GALNT2: variants seen among roughly 807,000 people sequenced by gnomAD.
The protein encoded by GALNT2 is UDP-GalNAc:polypeptide N-acetylgalactosaminyltransferase 2.
In GALNT2, 31 loss-of-function variants were observed where a neutral mutation model predicts 81.4. The ratio of observed to expected loss-of-function variants is 0.38; its 90% CI spans 0.29 to 0.51. The LOEUF (loss-of-function observed/expected upper bound fraction) is 0.51. Among genes scored for constraint, GALNT2 ranks in the 20% least tolerant of loss-of-function variants. The probability of loss-of-function intolerance (pLI) is 0.87; values close to 1 mark genes in which losing one functional copy is unlikely to be tolerated. For missense variants in GALNT2, 629 were observed against 765.7 expected (o/e 0.82, Z 2.11); for synonymous variants, 303 against 287.4 (o/e 1.05, Z -0.55).
chr1:230,240,784 G>A (rs905077033), intron 6 of GALNT2, among the ~76,000 whole-genome samples: 3 of 152,048 alleles, frequency 2.0e-5, no homozygotes, highest in African/African-American at 7.2e-5. Context: ...CCAAGTTTGG[G>A]AAATGACTGG....
chr1:230,206,050 C>G (rs1044412854), intron 3 of GALNT2, among the ~76,000 whole-genome samples: 1 of 152,256 alleles, frequency 6.6e-6, no homozygotes, highest in East Asian at 1.9e-4. Context: ...CTGATGACTT[C>G]AGTCGACTGC....
intron 1 of GALNT2, among the ~76,000 whole-genome samples, chr1:230,145,067 T>C (rs1297134771): frequency 1.3e-5 from 2 of 152,154 alleles, no homozygotes; most frequent in Non-Finnish European, 2.9e-5. Context: ...ACTCCAGAGC[T>C]GCGTCATCTG....
intron 1 of GALNT2, among the ~76,000 whole-genome samples, chr1:230,068,096 AG>A (rs2102739139): frequency 6.6e-6 from 1 of 152,222 alleles, no homozygotes; most frequent in Non-Finnish European, 1.5e-5. Flanking sequence ...CTCCCGCGCG[AG>A]CCGGACGTGG....
chr1:230,236,425 G>A lies in GALNT2; in HGVS notation c.541+5G>A. ...TGGATGACTACAGCAATGATCGTGA[G>A]TACTGACACTGATTTTATCCCTGTG... On this transcript the variant is annotated splice_donor_5th_base_variant and intron_variant, in intron 5 of 15. Transcript: ENST00000366672. 6.2e-7 allele frequency: 1 copy of A among 1,613,480 alleles called. No individual in the cohort carries two copies. Among genetic ancestry groups the A allele is most frequent in the South Asian group, 1.1e-5 (1 of 91,066 alleles).
chr1:230,190,368 G>A (rs564724898), intron 2 of GALNT2, among the ~76,000 whole-genome samples: 2 of 152,214 alleles, frequency 1.3e-5, no homozygotes, highest in Admixed American at 6.5e-5. Context: ...CAAGACCCAC[G>A]CACTTGAAGC....
At chr1:230,084,347 A>G (rs1659838103) in intron 1 of GALNT2, among the ~76,000 whole-genome samples, 1 of 152,216 alleles carries the variant, frequency 6.6e-6, no homozygotes. Flanking sequence ...CCTGTTGACC[A>G]GAATGATCCA....
At chr1:230,191,766 G>A (rs565966738) in intron 2 of GALNT2, among the ~76,000 whole-genome samples, 5 of 152,176 alleles carry the variant, frequency 3.3e-5, no homozygotes, top group Admixed American at 6.5e-5. Context: ...CTATTCCTTG[G>A]CCTCCCAAAG....
intron 6 of GALNT2, among the ~76,000 whole-genome samples, chr1:230,241,760 T>TA (rs1665209103): frequency 6.6e-6 from 1 of 152,222 alleles, no homozygotes; most frequent in African/African-American, 2.4e-5. Flanking sequence ...AGTTTGTTTT[T>TA]ATGAGTCCCT....
chr1:230,205,299 C>A (rs1476758757), intron 3 of GALNT2, among the ~76,000 whole-genome samples: 5 of 152,126 alleles, frequency 3.3e-5, no homozygotes, highest in Admixed American at 3.3e-4. Flanking sequence ...CAGCTCTGTT[C>A]ACCTATTCCA....
chr1:230,213,081 T>C (rs1338783600), intron 3 of GALNT2, among the ~76,000 whole-genome samples: 1 of 152,254 alleles, frequency 6.6e-6, no homozygotes, highest in Non-Finnish European at 1.5e-5. Flanking sequence ...TCTGTAACTC[T>C]GGGTTATGGT....
intron 11 of GALNT2, chr1:230,259,046 G>C (rs1033483027): frequency 3.3e-5 from 5 of 152,218 alleles, no homozygotes; most frequent in East Asian, 1.9e-4. Context: ...AAGCCCTGCT[G>C]TTGACCTTCA....
chr1:230,129,707 G>A (rs933565224), intron 1 of GALNT2, among the ~76,000 whole-genome samples: 1 of 152,184 alleles, frequency 6.6e-6, no homozygotes, highest in African/African-American at 2.4e-5. Flanking sequence ...AAAAATAAAA[G>A]TTCAGCTTTC....
At position 230,158,177 on chromosome 1, in the gene GALNT2, G is replaced by A. The variant is rs533235161; in HGVS notation, c.127-20041G>A. Reference sequence around the variant, plus strand: ...CGTGGTGGAACACAGAGAGCCCTCGGGAGGCCCGGGTAGCAGGGGGGCAGG... The same window carrying A: ...CGTGGTGGAACACAGAGAGCCCTCGAGAGGCCCGGGTAGCAGGGGGGCAGG... On this transcript the variant is annotated intron_variant, in intron 1 of 15. Coordinates refer to ENST00000366672, the MANE Select transcript of GALNT2 (RefSeq NM_004481.5). 3.9e-5 allele frequency among the ~76,000 whole-genome samples: 6 copies of A among 152,170 alleles called. No homozygotes were observed. In the East Asian group the frequency reaches 1.2e-3, roughly 29 times the overall value.
intron 3 of GALNT2, among the ~76,000 whole-genome samples, chr1:230,218,589 G>A (rs1401800853): frequency 6.6e-6 from 1 of 152,164 alleles, no homozygotes; most frequent in Non-Finnish European, 1.5e-5. Context: ...AAGATTAGGA[G>A]GGAAGTTTTC....
At position 230,071,743 on chromosome 1, in the gene GALNT2, G is replaced by A. The variant is rs1659382009; in HGVS notation, c.126+4337G>A. Among the ~76,000 whole-genome samples, 3 of 152,188 alleles carry A rather than the reference G, an allele frequency of 2.0e-5. No homozygotes were observed. The South Asian group carries it at 6.2e-4, about 32-fold the overall frequency. ...GAGAGTTTGAAGTTGACACAGGGAG[G>A]ACAGTAGCAGGGAAAACCACTGTAT... On this transcript the variant is annotated intron_variant, in intron 1 of 15. Transcript: ENST00000366672.
chr1:230,188,304 G>A (rs1056471309), intron 2 of GALNT2, among the ~76,000 whole-genome samples: 23 of 152,174 alleles, frequency 1.5e-4, no homozygotes, highest in Admixed American at 1.0e-3. Flanking sequence ...GTACTTTGGG[G>A]AAGAATCTGG....
chr1:230,153,842 G>A (rs1662165186), intron 1 of GALNT2, among the ~76,000 whole-genome samples: 1 of 152,338 alleles, frequency 6.6e-6, no homozygotes, highest in South Asian at 2.1e-4. Context: ...CATTCACTCT[G>A]TGGAGGGGTC....
At chr1:230,094,553 A>C (rs895336632) in intron 1 of GALNT2, among the ~76,000 whole-genome samples, 2 of 152,096 alleles carry the variant, frequency 1.3e-5, no homozygotes, top group Non-Finnish European at 2.9e-5. Context: ...CAGGAGAATC[A>C]CTTGAACCCG....
intron 1 of GALNT2, among the ~76,000 whole-genome samples, chr1:230,087,605 C>A (rs74347400): frequency 3.3e-5 from 5 of 152,178 alleles, no homozygotes; most frequent in Non-Finnish European, 7.3e-5. Context: ...GGCTGTGGGG[C>A]CCAAGTGTGT....
Sources: allele counts gnomAD v4.1 joint callset (sites outside exome capture counted in the v4.1 genomes callset), GRCh38; gene constraint gnomAD v4.1.1; transcripts MANE v1.5; gene names NCBI Gene and HGNC (gene_info 2026-07-23, HGNC 2026-07-21).